The following INTS4 variants were observed in gnomAD, a reference collection of about 807,000 sequenced individuals.
INTS4 encodes the protein integrator complex subunit 4, also known as MSTP093.
In INTS4, 70 loss-of-function variants were observed where a neutral mutation model predicts 119.5. The observed-to-expected ratio is 0.59, with a 90% CI of 0.48 to 0.71. INTS4 has a LOEUF of 0.71. Ranked by LOEUF, INTS4 falls within the 30% of genes least tolerant of loss-of-function variation. INTS4 has a pLI of 0.00. For missense variants in INTS4, 867 were observed against 1,173.2 expected, an observed-to-expected ratio of 0.74 and a Z score of 3.81; for synonymous variants, 316 against 419.6, an observed-to-expected ratio of 0.75 and a Z score of 3.02.
chr11:77,977,024 T>G (rs1855980139), intron 4 of INTS4, among the ~76,000 whole-genome samples: 1 of 152,048 alleles, frequency 6.6e-6, no homozygotes. Flanking sequence ...CATGTATACA[T>G]ATGTAACTAA....
intron 8 of INTS4, among the ~76,000 whole-genome samples, chr11:77,949,185 T>C (rs1354053642): frequency 1.3e-5 from 2 of 152,118 alleles, no homozygotes; most frequent in African/African-American, 4.8e-5. Flanking sequence ...GGACATCATG[T>C]AAAGTGAAAT....
intron 1 of INTS4, among the ~76,000 whole-genome samples, chr11:77,992,939 G>A (rs898353821): frequency 6.6e-6 from 1 of 152,202 alleles, no homozygotes. Flanking sequence ...GTTAACAACT[G>A]ATGAAAAATT....
intron 9 of INTS4, among the ~76,000 whole-genome samples, chr11:77,939,468 G>A (rs1324237731): frequency 1.3e-5 from 2 of 151,492 alleles, no homozygotes; most frequent in Non-Finnish European, 2.9e-5. Context: ...TTCAGTCCCA[G>A]TAAAAGTATT....
At chr11:77,966,435 G>A (rs555261526) in intron 4 of INTS4, among the ~76,000 whole-genome samples, 9 of 152,186 alleles carry the variant, frequency 5.9e-5, no homozygotes, top group South Asian at 4.1e-4. Context: ...GTTTCAGGTC[G>A]TATGTTTTAA....
chr11:77,991,287 T>C lies in INTS4; in HGVS notation c.67A>G (p.Ile23Val). ...FTKVVQPQEE[I>V]ATKKLRLTKP... ...GTTAGTCGGAGTTTCTTAGTAGCAATTTCCTCCTGTGGCTGCAAGGGGTAG... is the reference window on the plus strand; with the variant it reads ...GTTAGTCGGAGTTTCTTAGTAGCAACTTCCTCCTGTGGCTGCAAGGGGTAG... The change falls in exon 2 of 23, where the codon ATT becomes GTT. Residue 23 changes from isoleucine to valine, a missense_variant. Ile to Val is a conservative substitution (Grantham distance 29). This residue lies in a region of INTS4 where 224 missense variants were observed against 231.8 expected (regional missense o/e 0.97). Transcript: ENST00000534064. 6.2e-7 allele frequency: 1 copy of C among 1,613,280 alleles called. No homozygotes were observed. Among genetic ancestry groups the C allele is most frequent in the Non-Finnish European group, 8.5e-7 (1 of 1,179,306 alleles).
chr11:77,920,307 A>T (rs1173279845), intron 14 of INTS4, among the ~76,000 whole-genome samples: 2 of 149,034 alleles, frequency 1.3e-5, no homozygotes, highest in Non-Finnish European at 3.0e-5. Flanking sequence ...ACATATATAT[A>T]AATGTTCCTC....
At chr11:77,989,817 T>C (rs528253143) in intron 2 of INTS4, among the ~76,000 whole-genome samples, 7 of 152,012 alleles carry the variant, frequency 4.6e-5, no homozygotes, top group Non-Finnish European at 1.0e-4. Flanking sequence ...GAGGATCAAT[T>C]GAGCCTCGGA....
chr11:77,923,571 A>G (rs1435470315), intron 12 of INTS4, among the ~76,000 whole-genome samples: 1 of 152,100 alleles, frequency 6.6e-6, no homozygotes, highest in East Asian at 1.9e-4. Flanking sequence ...AAATTTTTTC[A>G]TCTACAAAAT....
At chr11:77,907,229 C>T (rs563490542) in intron 16 of INTS4, among the ~76,000 whole-genome samples, 1 of 152,238 alleles carries the variant, frequency 6.6e-6, no homozygotes, top group Admixed American at 6.5e-5. Context: ...AATGCACCAC[C>T]ACACCTGCCT....
chr11:77,954,505 T>C (rs1954271648), intron 8 of INTS4, among the ~76,000 whole-genome samples: 1 of 152,060 alleles, frequency 6.6e-6, no homozygotes, highest in South Asian at 2.1e-4. Context: ...AGAAAATATA[T>C]GTAAGGGGCC....
intron 15 of INTS4, chr11:77,918,506 G>A: frequency 7.5e-6 from 2 of 266,322 alleles, no homozygotes; most frequent in Non-Finnish European, 1.4e-5. Context: ...ATTAAACTTT[G>A]CTCCTGTTTT....
intron 21 of INTS4, among the ~76,000 whole-genome samples, chr11:77,888,616 C>T (rs1474463487): frequency 6.6e-6 from 1 of 152,274 alleles, no homozygotes; most frequent in African/African-American, 2.4e-5. Flanking sequence ...GCAAAAGAAA[C>T]TACCATCAGA....
At chr11:77,965,698 T>C (rs1410981125) in intron 4 of INTS4, among the ~76,000 whole-genome samples, 1 of 152,246 alleles carries the variant, frequency 6.6e-6, no homozygotes, top group Admixed American at 6.5e-5. Context: ...CATTGCATGT[T>C]ATACACTACA....
chr11:77,933,681 G>A (rs1177733819), intron 10 of INTS4, among the ~76,000 whole-genome samples: 17 of 152,198 alleles, frequency 1.1e-4, no homozygotes, highest in African/African-American at 3.9e-4. Context: ...CTGCCTGGCC[G>A]CCCATCATCT....
In INTS4 at chr11:77,991,189, G is replaced by C; in HGVS notation, c.165C>G (p.Tyr55Ter). The C allele has an allele frequency of 6.2e-7, 1 of 1,614,144 alleles. No homozygotes were observed. Among genetic ancestry groups the C allele is most frequent in the Non-Finnish European group, 8.5e-7 (1 of 1,180,012 alleles). Residue 55 changes from tyrosine to a stop codon, truncating the protein, a stop_gained, in exon 2 of 23, where the codon TAC becomes TAG. Coordinates refer to ENST00000534064, the MANE Select transcript of INTS4 (RefSeq NM_033547.4). LOFTEE classifies it high-confidence loss of function. ...CAGGCTTCCTGGCAAACTGGAGCAA[G>C]TATTGCAAAGCATCTGCTGGGGAGG... ...KATSPADALQ[Y>*]LLQFARKPVE...
chr11:77,927,757 A>C lies in INTS4; in HGVS notation c.1371+585T>G, dbSNP rs905185053. On this transcript the variant is annotated intron_variant, in intron 11 of 22. Transcript: ENST00000534064. ...AAGAATAAAATCAAATTAAAGGTTG[A>C]AAAGAACTCTTCATTATTTAGCCCC... is the stretch of plus-strand genomic sequence containing the variant. Among the ~76,000 whole-genome samples the C allele has an allele frequency of 6.2e-4, 95 of 152,320 alleles. 2 individuals are homozygous for C. The highest frequency in any genetic ancestry group is 2.3e-3 in the African/African-American group (94 of 41,578).
intron 3 of INTS4, among the ~76,000 whole-genome samples, chr11:77,979,814 C>G (rs563105188): frequency 8.4e-4 from 127 of 151,566 alleles, no homozygotes; most frequent in African/African-American, 3.0e-3. Context: ...ACCATCTCTA[C>G]TAAAAACACA....
intron 21 of INTS4, among the ~76,000 whole-genome samples, chr11:77,886,293 C>G (rs1453052164): frequency 6.6e-6 from 1 of 152,176 alleles, no homozygotes; most frequent in African/African-American, 2.4e-5. Context: ...TTGCTGGAAG[C>G]CTTCTTTCAT....
chr11:77,918,087 T>C, intron 15 of INTS4: 1 of 560,996 alleles, frequency 1.8e-6, no homozygotes, highest in Non-Finnish European at 3.1e-6. Flanking sequence ...CACAGTTAGA[T>C]CTGAATTGTT....
Sources: allele counts gnomAD v4.1 joint callset (sites outside exome capture counted in the v4.1 genomes callset), GRCh38; gene constraint gnomAD v4.1.1; regional missense constraint gnomAD v4.1.1; transcripts MANE v1.5; gene names NCBI Gene and HGNC (gene_info 2026-07-23, HGNC 2026-07-21).